Variants in AGPAT4 observed in about 807,000 individuals in gnomAD.
AGPAT4 encodes the protein 1-acyl-sn-glycerol-3-phosphate acyltransferase delta.
A neutral mutation model predicts 48.0 loss-of-function variants in AGPAT4; 15 were observed. The ratio of observed to expected loss-of-function variants is 0.31; its 90% CI spans 0.21 to 0.48. The LOEUF (loss-of-function observed/expected upper bound fraction) is 0.48. AGPAT4 is among the 20% of genes least tolerant of loss of function. The pLI, the probability that AGPAT4 is intolerant of heterozygous loss-of-function variation, is 0.99. For synonymous variants in AGPAT4, 178 were observed against 198.7 expected (o/e 0.90, Z 0.88); for missense variants, 314 against 482.5 (o/e 0.65, Z 3.27).
intron 2 of AGPAT4, among the ~76,000 whole-genome samples, chr6:161,170,697 A>C (rs1780245950): frequency 6.6e-6 from 1 of 152,208 alleles, no homozygotes; most frequent in Non-Finnish European, 1.5e-5. Context: ...CTGCACAGCC[A>C]GCTCCACCTG....
chr6:161,205,206 C>G (rs1398866003), intron 2 of AGPAT4, among the ~76,000 whole-genome samples: 1 of 152,174 alleles, frequency 6.6e-6, no homozygotes, highest in Non-Finnish European at 1.5e-5. Context: ...CCTGGCTGCC[C>G]CACCACAGAG....
intron 5 of AGPAT4, among the ~76,000 whole-genome samples, chr6:161,152,631 G>A (rs1185258031): frequency 1.3e-5 from 2 of 152,168 alleles, no homozygotes; most frequent in Admixed American, 6.5e-5. Context: ...GGATAAGGCC[G>A]AGGAAGGCGG....
In AGPAT4 at chr6:161,221,365, A is replaced by G. The variant is rs961060818; in HGVS notation, c.178+10671T>C. Reference sequence around the variant, plus strand: ...TGAGTTCCTGGATTTAAGAGGTGGGAAAAAGGATTTCTTGGCCTCGTCCAT... The same window carrying G: ...TGAGTTCCTGGATTTAAGAGGTGGGGAAAAGGATTTCTTGGCCTCGTCCAT... On this transcript the variant is annotated intron_variant, in intron 2 of 8. Coordinates refer to ENST00000320285, the MANE Select transcript of AGPAT4 (RefSeq NM_020133.3). This position sits in a 1 kb window ranked among gnomAD's most constrained non-coding sequence, Gnocchi z 4.5. 2.4e-4 allele frequency among the ~76,000 whole-genome samples: 36 copies of G among 152,148 alleles called. No individual in the cohort carries two copies. Among genetic ancestry groups the G allele is most frequent in the Non-Finnish European group, 3.8e-4 (26 of 68,020 alleles).
intron 3 of AGPAT4, among the ~76,000 whole-genome samples, chr6:161,157,909 C>T (rs1417031284): frequency 6.6e-6 from 1 of 152,178 alleles, no homozygotes; most frequent in Non-Finnish European, 1.5e-5. Flanking sequence ...CTTCTGTTTC[C>T]CCTCTGTGTG....
chr6:161,211,703 AT>A (rs1411325635), intron 2 of AGPAT4, among the ~76,000 whole-genome samples: 12 of 152,146 alleles, frequency 7.9e-5, no homozygotes, highest in African/African-American at 2.4e-4. Flanking sequence ...ACTGAAATTA[AT>A]TTTTTTAATT....
Position 161,148,075 on chromosome 6 carries a change from G to A in AGPAT4, c.767+1112C>T, listed in dbSNP as rs531886544. On this transcript the variant is annotated intron_variant, in intron 6 of 8. Coordinates refer to ENST00000320285, the MANE Select transcript of AGPAT4 (RefSeq NM_020133.3). This position sits in a 1 kb window ranked among gnomAD's most constrained non-coding sequence, Gnocchi z 5.5. ...TGAAATAATCTTGTACACATCTTGG[G>A]GTTTTCCCAAATAACTGAGCCCAGC... Among the ~76,000 whole-genome samples the A allele has an allele frequency of 6.6e-6, 1 of 152,172 alleles. No homozygotes were observed. The highest frequency in any genetic ancestry group is 1.9e-4 in the East Asian group (1 of 5,196).
At chr6:161,248,402 G>C (rs893965585) in intron 1 of AGPAT4, among the ~76,000 whole-genome samples, 1 of 149,138 alleles carries the variant, frequency 6.7e-6, no homozygotes, top group East Asian at 2.0e-4. Context: ...GTGAAACTCC[G>C]TCTCCACTAA....
intron 5 of AGPAT4, among the ~76,000 whole-genome samples, chr6:161,151,594 A>G (rs1583283109): frequency 6.6e-6 from 1 of 152,218 alleles, no homozygotes; most frequent in African/African-American, 2.4e-5. Context: ...TTAAATGTTT[A>G]TCATGTACCA....
At chr6:161,183,673 GGAGGAGAGGGGAGGA>G (rs1207985588) in intron 2 of AGPAT4, among the ~76,000 whole-genome samples, 46 of 76,752 alleles carry the variant, frequency 6.0e-4, no homozygotes, top group African/African-American at 1.1e-3. Context: ...AGAGGGGAGG[GGAGGAGAGGGGAGGA>G]GAGGAGAGGG....
chr6:161,179,007 C>G (rs757497869), intron 2 of AGPAT4, among the ~76,000 whole-genome samples: 1 of 152,162 alleles, frequency 6.6e-6, no homozygotes, highest in Non-Finnish European at 1.5e-5. Flanking sequence ...GGGTGCAGAA[C>G]GCAGTAGGTG....
At position 161,224,640 on chromosome 6, in the gene AGPAT4, C is replaced by CAAAAAA. The variant is rs71543000; in HGVS notation, c.178+7390_178+7395dup. On this transcript the variant is annotated intron_variant, in intron 2 of 8. Transcript: ENST00000320285. ...TGGGTGACAGAGCAAGACTCCTTCTCAAAAAAAAAAAAAAAAAAAAGAAAG... is the reference window on the plus strand; with the variant it reads ...TGGGTGACAGAGCAAGACTCCTTCTCAAAAAAAAAAAAAAAAAAAAAAAAAAGAAAG... Among the ~76,000 whole-genome samples the CAAAAAA allele has an allele frequency of 2.3e-4, 18 of 78,516 alleles. 1 individual carries two copies. Among genetic ancestry groups the CAAAAAA allele is most frequent in the Non-Finnish European group, 2.9e-4 (12 of 41,494 alleles). 51.5% of individuals were successfully genotyped at this position (78,516 alleles called of 152,430 possible).
Position 161,143,090 on chromosome 6 carries a change from A to G in AGPAT4, c.843+3434T>C, listed in dbSNP as rs1271439470. On this transcript the variant is annotated intron_variant, in intron 7 of 8. Coordinates refer to ENST00000320285, the MANE Select transcript of AGPAT4 (RefSeq NM_020133.3). This position sits in a 1 kb window ranked among gnomAD's most constrained non-coding sequence, Gnocchi z 4.7. ...AGCTGTCCTTCACTTATTTCTCTTT[A>G]GAGACAGGGTCTTGCTCTGCTGCCC... Among the ~76,000 whole-genome samples, 1 of 152,132 alleles carries G rather than the reference A, an allele frequency of 6.6e-6. No individual in the cohort carries two copies. Among genetic ancestry groups the G allele is most frequent in the Non-Finnish European group, 1.5e-5 (1 of 68,010 alleles).
At chr6:161,151,853 G>A (rs1334392075) in intron 5 of AGPAT4, among the ~76,000 whole-genome samples, 1 of 152,198 alleles carries the variant, frequency 6.6e-6, no homozygotes, top group Non-Finnish European at 1.5e-5. Context: ...CGAGCAATGG[G>A]GGCATCCTTG....
In AGPAT4 at chr6:161,228,771, C is replaced by G. The variant is rs375694682; in HGVS notation, c.178+3265G>C. Reference sequence around the variant, plus strand: ...CTACCCTTCACCCCACTTCTTCCAACTTTCTTCCTTCTTTTTACCTAACGA... The same window carrying G: ...CTACCCTTCACCCCACTTCTTCCAAGTTTCTTCCTTCTTTTTACCTAACGA... On this transcript the variant is annotated intron_variant, in intron 2 of 8. Coordinates refer to ENST00000320285, the MANE Select transcript of AGPAT4 (RefSeq NM_020133.3). Among the ~76,000 whole-genome samples the G allele has an allele frequency of 7.9e-5, 12 of 151,626 alleles. No individual in the cohort carries two copies. The South Asian group carries it at 1.3e-3, about 16-fold the overall frequency.
At chr6:161,186,572 C>G (rs1780775401) in intron 2 of AGPAT4, among the ~76,000 whole-genome samples, 1 of 152,158 alleles carries the variant, frequency 6.6e-6, no homozygotes. Context: ...TACCCAGTCT[C>G]TCTGCCTCCA....
chr6:161,192,142 CTTTTTTTTTTT>C (rs573872820), intron 2 of AGPAT4, among the ~76,000 whole-genome samples: 1 of 45,612 alleles, frequency 2.2e-5, no homozygotes, highest in African/African-American at 1.1e-4. Context: ...AGAAGTTATA[CTTTTTTTTTTT>C]TTTTTTTTTT....
intron 2 of AGPAT4, among the ~76,000 whole-genome samples, chr6:161,176,011 A>G (rs931462001): frequency 6.6e-6 from 1 of 152,186 alleles, no homozygotes; most frequent in African/African-American, 2.4e-5. Context: ...ACAGTTTGTT[A>G]TAACTTCTGT....
intron 2 of AGPAT4, among the ~76,000 whole-genome samples, chr6:161,167,532 C>G (rs1363981378): frequency 2.6e-5 from 4 of 152,170 alleles, no homozygotes; most frequent in Non-Finnish European, 4.4e-5. Context: ...CCATGTGCCC[C>G]CCATTTTTAA....
chr6:161,241,669 A>G (rs1782495119), intron 1 of AGPAT4, among the ~76,000 whole-genome samples: 1 of 152,248 alleles, frequency 6.6e-6, no homozygotes, highest in Non-Finnish European at 1.5e-5. Context: ...GAAGTAAGGC[A>G]GAAGGAAATT....
Sources: allele counts gnomAD v4.1 joint callset (sites outside exome capture counted in the v4.1 genomes callset), GRCh38; gene constraint gnomAD v4.1.1; non-coding constraint Gnocchi (gnomAD v3.1); transcripts MANE v1.5; gene names NCBI Gene and HGNC (gene_info 2026-07-23, HGNC 2026-07-21).